The following BFSP2 variants were observed in gnomAD, a reference collection of about 807,000 sequenced individuals.
BFSP2 encodes beaded filament structural protein 2.
A neutral mutation model predicts 44.9 loss-of-function variants in BFSP2; 38 were observed. The ratio of observed to expected loss-of-function variants is 0.85; its 90% CI spans 0.65 to 1.11. BFSP2 has a LOEUF of 1.11. BFSP2 is among the 50% of genes least tolerant of loss of function. The pLI is 0.00. For missense variants in BFSP2, 525 were observed against 533.0 expected, an observed-to-expected ratio of 0.99 and a Z score of 0.15; for synonymous variants, 197 against 209.9, an observed-to-expected ratio of 0.94 and a Z score of 0.53.
chr3:133,400,097 G>A lies in BFSP2; in HGVS notation c.14G>A (p.Arg5Gln), dbSNP rs371317842. The change falls in exon 1 of 7, where the codon CGA (arginine) becomes CAA (glutamine). Residue 5 changes from arginine (R) to glutamine (Q), a missense_variant. By Grantham distance (43) the Arg-to-Gln change is conservative. Transcript: ENST00000302334. This position sits in a 1 kb window ranked among gnomAD's most constrained non-coding sequence, Gnocchi z 4.0. MSER[R>Q]VVVDLPTSAS... is the part of the protein sequence containing the mutation. ...GCAGAAGGGGTGATGAGTGAGAGGCGAGTGGTAGTGGACTTGCCCACCAGT... is the reference window on the plus strand; with the variant it reads ...GCAGAAGGGGTGATGAGTGAGAGGCAAGTGGTAGTGGACTTGCCCACCAGT... 39 of 1,614,062 alleles carry A rather than the reference G, an allele frequency of 2.4e-5. No homozygotes were observed. The highest frequency in any genetic ancestry group is 4.0e-5 in the African/African-American group (3 of 74,936).
At chr3:133,439,965 GTA>G (rs1440577668) in intron 1 of BFSP2, among the ~76,000 whole-genome samples, 1 of 152,112 alleles carries the variant, frequency 6.6e-6, no homozygotes, top group African/African-American at 2.4e-5. Flanking sequence ...CACAGAGGGA[GTA>G]TAAGTCCATT....
Position 133,447,273 on chromosome 3 carries a change from G to A in BFSP2, c.490-44G>A, listed in dbSNP as rs760578973. 6.4e-5 allele frequency: 103 copies of A among 1,604,316 alleles called. 1 individual carries two copies. The South Asian group carries it at 1.1e-3, about 18-fold the overall frequency. On this transcript the variant is annotated intron_variant, in intron 1 of 6. Coordinates refer to ENST00000302334, the MANE Select transcript of BFSP2 (RefSeq NM_003571.4). ...AGTCATGGTGGTAAGTGATCTTGAC[G>A]CTCCCAGTGACCTTGTCTCCTTTGG...
At position 133,475,208 on chromosome 3, in the gene BFSP2, A is replaced by G. The variant is rs2074202800; in HGVS notation, c.*236A>G. On this transcript the variant is annotated 3_prime_UTR_variant, in exon 7 of 7. Transcript: ENST00000302334. The stretch of plus-strand genomic sequence containing the variant: ...AATAAATGCTTTGTGCGCAGCGTCC[A>G]GTTTGCCCACCTTGTTCAACTCACT... 2 of 619,508 alleles carry G rather than the reference A, an allele frequency of 3.2e-6. No individual in the cohort carries two copies. Among genetic ancestry groups the G allele is most frequent in the Non-Finnish European group, 5.7e-6 (2 of 352,666 alleles). The allele number at this position is 619,508 out of a possible 1,614,324, so 38.4% of individuals were successfully genotyped here.
At chr3:133,416,796 C>CCCTCTCCCTTCTACTCACCCCTGT (rs2073536759) in intron 1 of BFSP2, among the ~76,000 whole-genome samples, 3 of 127,290 alleles carry the variant, frequency 2.4e-5, no homozygotes, top group Admixed American at 8.4e-5. Flanking sequence ...CTCACCCCTG[C>CCCTCTCCCTTCTACTCACCCCTGT]CCTCTCCCTT....
intron 4 of BFSP2, among the ~76,000 whole-genome samples, chr3:133,461,822 G>A (rs1310358511): frequency 6.6e-6 from 1 of 152,172 alleles, no homozygotes; most frequent in Non-Finnish European, 1.5e-5. Flanking sequence ...TCTTAAACTA[G>A]AAGAAAGCCT....
At chr3:133,417,170 CT>C (rs1197533066) in intron 1 of BFSP2, among the ~76,000 whole-genome samples, 1 of 138,776 alleles carries the variant, frequency 7.2e-6, no homozygotes, top group African/African-American at 2.8e-5. Flanking sequence ...CTACTCACCC[CT>C]GCCATCTCTC....
rs181275910 is a variant in BFSP2, at chr3:133,450,323, A to T, written c.750A>T (p.Lys250Asn). The change falls in exon 4 of 7, where the codon AAA (lysine) becomes AAT (asparagine). Residue 250 changes from lysine to asparagine, a missense_variant. Physicochemically the swap from Lys to Asn is moderately conservative, Grantham distance 94. Coordinates refer to ENST00000302334, the MANE Select transcript of BFSP2 (RefSeq NM_003571.4). ...TTCAGGATGTGAAGCTGCTGCACAA[A>T]CAGTTGGCAGGGTGTGAGCTGGAAC... Reference protein sequence around the residue: ...NYEEDVKLLHKQLAGCELEQM... With the variant: ...NYEEDVKLLHNQLAGCELEQM... 1 of 1,614,198 alleles carries T rather than the reference A, an allele frequency of 6.2e-7. No homozygotes were observed. Among genetic ancestry groups the T allele is most frequent in the East Asian group, 2.2e-5 (1 of 44,874 alleles).
chr3:133,426,714 G>A (rs2073657297), intron 1 of BFSP2, among the ~76,000 whole-genome samples: 1 of 152,220 alleles, frequency 6.6e-6, no homozygotes, highest in South Asian at 2.1e-4. Flanking sequence ...AGTTGAGGAA[G>A]CCTAGAAGCA....
intron 1 of BFSP2, among the ~76,000 whole-genome samples, chr3:133,414,638 C>T (rs1335235085): frequency 1.5e-5 from 2 of 132,408 alleles, no homozygotes; most frequent in African/African-American, 5.7e-5. Flanking sequence ...CTACTCACCC[C>T]TCTACTCACC....
intron 1 of BFSP2, among the ~76,000 whole-genome samples, chr3:133,407,774 T>C (rs2073416367): frequency 6.6e-6 from 1 of 152,070 alleles, no homozygotes; most frequent in South Asian, 2.1e-4. Flanking sequence ...TTGAAACCAA[T>C]AGAGGGAAGG....
chr3:133,452,342 C>T (rs1461028783), intron 4 of BFSP2, among the ~76,000 whole-genome samples: 1 of 152,168 alleles, frequency 6.6e-6, no homozygotes, highest in Non-Finnish European at 1.5e-5. Context: ...ATTTCTCCAA[C>T]CCCTACCCCG....
intron 4 of BFSP2, among the ~76,000 whole-genome samples, chr3:133,458,402 A>G (rs575037425): frequency 6.6e-6 from 1 of 152,310 alleles, no homozygotes; most frequent in African/African-American, 2.4e-5. Context: ...TCTAGTTAAG[A>G]CAACACACAG....
At chr3:133,447,276 C>T in intron 1 of BFSP2, 41 bp from the exon 2 acceptor site, 1 of 1,608,104 alleles carries the variant, frequency 6.2e-7, no homozygotes, top group Non-Finnish European at 8.5e-7. Context: ...TCTTGACGCT[C>T]CCAGTGACCT....
intron 1 of BFSP2, among the ~76,000 whole-genome samples, chr3:133,408,800 T>C (rs561397039): frequency 3.0e-4 from 46 of 151,384 alleles, no homozygotes; most frequent in African/African-American, 1.1e-3. Flanking sequence ...TATGAATATA[T>C]ACATACATAT....
intron 1 of BFSP2, among the ~76,000 whole-genome samples, chr3:133,425,798 G>A (rs1398457200): frequency 2.2e-5 from 3 of 137,076 alleles, no homozygotes; most frequent in Admixed American, 7.4e-5. Context: ...GGGAAGGGAA[G>A]GGAAGAAGGG....
At chr3:133,426,903 G>C (rs926253590) in intron 1 of BFSP2, among the ~76,000 whole-genome samples, 1 of 152,216 alleles carries the variant, frequency 6.6e-6, no homozygotes, top group Non-Finnish European at 1.5e-5. Context: ...AAGTGGTGAT[G>C]ACATAGCTTC....
intron 1 of BFSP2, among the ~76,000 whole-genome samples, chr3:133,415,436 GTCCTC>G (rs2073513127): frequency 1.5e-5 from 1 of 66,790 alleles, no homozygotes; most frequent in African/African-American, 6.5e-5. Flanking sequence ...ACTCAACCCT[GTCCTC>G]TCCTCTCTAC....
Position 133,400,992 on chromosome 3 carries a change from T to G in BFSP2, c.489+420T>G, listed in dbSNP as rs547541456. ...AGTCACCTTTACTGTTGAGAAGGGA[T>G]TTTTACAGCTATTATCCAATCAAAT... On this transcript the variant is annotated intron_variant, in intron 1 of 6. Transcript: ENST00000302334. This position sits in a 1 kb window ranked among gnomAD's most constrained non-coding sequence, Gnocchi z 4.0. Among the ~76,000 whole-genome samples the G allele has an allele frequency of 3.3e-5, 5 of 152,294 alleles. No individual in the cohort carries two copies. In the South Asian group the frequency reaches 1.0e-3, roughly 32 times the overall value.
chr3:133,443,330 T>C (rs570379687), intron 1 of BFSP2, among the ~76,000 whole-genome samples: 1 of 152,262 alleles, frequency 6.6e-6, no homozygotes, highest in African/African-American at 2.4e-5. Context: ...CATTTAAATC[T>C]GTGTGGATAG....
Sources: allele counts gnomAD v4.1 joint callset (sites outside exome capture counted in the v4.1 genomes callset), GRCh38; gene constraint gnomAD v4.1.1; non-coding constraint Gnocchi (gnomAD v3.1); transcripts MANE v1.5; gene names NCBI Gene and HGNC (gene_info 2026-07-23, HGNC 2026-07-21).